TACC2: variants seen among roughly 807,000 people sequenced by gnomAD.
TACC2 encodes transforming acidic coiled-coil-containing protein 2.
Under a neutral mutation model 227.3 loss-of-function variants are expected in TACC2, and 137 were observed. The ratio of observed to expected loss-of-function variants is 0.60; its 90% CI spans 0.52 to 0.69. The LOEUF (loss-of-function observed/expected upper bound fraction) is 0.69. TACC2 is among the 30% of genes least tolerant of loss of function. The pLI is 0.00. For synonymous variants in TACC2, 1,523 were observed against 1,487.5 expected (o/e 1.02, Z -0.55); for missense variants, 3,470 against 3,694.4 (o/e 0.94, Z 1.57).
intron 3 of TACC2, among the ~76,000 whole-genome samples, chr10:122,053,527 C>T (rs954223016): frequency 1.3e-5 from 2 of 152,166 alleles, no homozygotes; most frequent in African/African-American, 2.4e-5. Context: ...CCCTCCCCAA[C>T]CCCAGCACCT....
At chr10:122,021,217 A>G (rs1957297758) in intron 1 of TACC2, among the ~76,000 whole-genome samples, 1 of 148,124 alleles carries the variant, frequency 6.8e-6, no homozygotes, top group Admixed American at 6.7e-5. Flanking sequence ...CGACAGAGTG[A>G]GACTCCATCT....
At chr10:122,060,130 C>T (rs905791580) in intron 3 of TACC2, among the ~76,000 whole-genome samples, 5 of 152,180 alleles carry the variant, frequency 3.3e-5, no homozygotes, top group African/African-American at 1.2e-4. Context: ...AGGAAGAATT[C>T]CCTGCTTTAG....
At chr10:122,017,307 T>C (rs11200333) in intron 1 of TACC2, among the ~76,000 whole-genome samples, 41,753 of 151,926 alleles carry the variant, frequency 0.27, 5,990 homozygotes, top group South Asian at 0.5. Flanking sequence ...AGATGGAAGA[T>C]TGCACATGCG....
At chr10:122,227,435 A>G (rs981808171) in intron 13 of TACC2, among the ~76,000 whole-genome samples, 2 of 152,226 alleles carry the variant, frequency 1.3e-5, no homozygotes, top group Non-Finnish European at 2.9e-5. Context: ...TTGTTAAAAC[A>G]GTAGTGGCAC....
At chr10:122,164,041 G>A (rs1326628609) in intron 7 of TACC2, 3 of 1,550,810 alleles carry the variant, frequency 1.9e-6, no homozygotes. Context: ...AGGAGGAGAG[G>A]ATGCCCGGGC....
chr10:122,242,320 G>A (rs1056341974), intron 19 of TACC2, among the ~76,000 whole-genome samples: 2 of 152,174 alleles, frequency 1.3e-5, no homozygotes, highest in African/African-American at 2.4e-5. Context: ...ATATTTGGGG[G>A]ATTTTTTCTT....
chr10:122,227,084 C>T (rs1361802844), intron 13 of TACC2, among the ~76,000 whole-genome samples: 8 of 152,162 alleles, frequency 5.3e-5, no homozygotes, highest in African/African-American at 1.7e-4. Flanking sequence ...TATCCGTCTT[C>T]CAGAGCGTCC....
In TACC2 at chr10:122,012,418, C is replaced by CAAAAAAAAAAAAAAAAAAAAA. The variant is rs752342348; in HGVS notation, c.-45-9518_-45-9498dup. 2.6e-3 allele frequency among the ~76,000 whole-genome samples: 157 copies of CAAAAAAAAAAAAAAAAAAAAA among 60,698 alleles called. 1 individual carries two copies. Among genetic ancestry groups the CAAAAAAAAAAAAAAAAAAAAA allele is most frequent in the Middle Eastern group, 0.012 (1 of 82 alleles). The allele number at this position is 60,698 out of a possible 152,430, so 39.8% of individuals were successfully genotyped here. ...CTGGTGCCAGAGCAAGACTCCGTCTCAAAAAAAAAAAAAAAAAAAAAGATG... is the reference window on the plus strand; with the variant it reads ...CTGGTGCCAGAGCAAGACTCCGTCTCAAAAAAAAAAAAAAAAAAAAAAAAAAAAAAAAAAAAAAAAAAGATG... On this transcript the variant is annotated intron_variant, in intron 1 of 22. Transcript: ENST00000369005.
intron 7 of TACC2, among the ~76,000 whole-genome samples, chr10:122,153,551 A>G (rs1389110866): frequency 6.6e-6 from 1 of 152,198 alleles, no homozygotes; most frequent in Non-Finnish European, 1.5e-5. Context: ...AGGTGTTGTG[A>G]GAGGCAGTGA....
Position 122,083,990 on chromosome 10 carries a change from G to A in TACC2, c.1490G>A (p.Arg497Lys), listed in dbSNP as rs1236316324. ...GTTCCTGCCCCATCACCCCAGGAGA[G>A]GGGAGAGCACTTGAACACGGAGCAA... is the stretch of plus-strand genomic sequence containing the variant. ...GEVPAPSPQE[R>K]GEHLNTEQSH... Residue 497 changes from arginine (R) to lysine (K), a missense_variant, in exon 4 of 23, where the codon AGG becomes AAG. Physicochemically the swap from Arg to Lys is conservative, Grantham distance 26. Transcript: ENST00000369005. 6.2e-7 allele frequency: 1 copy of A among 1,614,056 alleles called. No homozygotes were observed. The highest frequency in any genetic ancestry group is 1.1e-5 in the South Asian group (1 of 91,076).
At position 122,085,870 on chromosome 10, in the gene TACC2, G is replaced by A. The variant is rs748012977; in HGVS notation, c.3370G>A (p.Gly1124Ser). The A allele has an allele frequency of 6.2e-7, 1 of 1,613,390 alleles. No homozygotes were observed. The highest frequency in any genetic ancestry group is 1.1e-5 in the South Asian group (1 of 91,002). ...LASFPSAGEQ[G>S]GEAGAAETGG... ...AAGTTTCCCATCAGCTGGGGAGCAA[G>A]GTGGTGAAGCCGGGGCTGCTGAGAC... is the stretch of plus-strand genomic sequence containing the variant. The change falls in exon 4 of 23, where the codon GGT (glycine) becomes AGT (serine). Residue 1124 changes from glycine (G) to serine (S), a missense_variant. Gly to Ser is a moderately conservative substitution (Grantham distance 56). Coordinates refer to ENST00000369005, the MANE Select transcript of TACC2 (RefSeq NM_206862.4).
chr10:122,253,929 A>G, intron 22 of TACC2, 62 bp from the exon 23 acceptor site: 1 of 1,451,296 alleles, frequency 6.9e-7, no homozygotes, highest in Non-Finnish European at 9.7e-7. Flanking sequence ...AAAAAGCCCC[A>G]TGAGCATTCT....
intron 7 of TACC2, among the ~76,000 whole-genome samples, chr10:122,174,355 C>G (rs915084720): frequency 2.0e-5 from 3 of 152,218 alleles, no homozygotes; most frequent in African/African-American, 4.8e-5. Context: ...GGCAATGGCA[C>G]TGGCTCAGCG....
At chr10:122,151,493 G>C (rs1184448703) in intron 7 of TACC2, among the ~76,000 whole-genome samples, 1 of 152,112 alleles carries the variant, frequency 6.6e-6, no homozygotes, top group East Asian at 1.9e-4. Flanking sequence ...GGCGGTCTCA[G>C]ACAGAGCAGC....
chr10:122,252,918 C>T (rs1185443827), intron 22 of TACC2, among the ~76,000 whole-genome samples: 3 of 152,186 alleles, frequency 2.0e-5, no homozygotes, highest in African/African-American at 7.2e-5. Flanking sequence ...AGGAGGTGGG[C>T]CAGGGTTCTG....
rs2079689354 is a variant in TACC2, at chr10:122,082,907, A to G, written c.407A>G (p.Gln136Arg). Reference sequence around the variant, plus strand: ...GCACCTGAAGATGGTCCTCAGACTCAGTCTCCCAGGAGGGAACCTGCCCCA... The same window carrying G: ...GCACCTGAAGATGGTCCTCAGACTCGGTCTCCCAGGAGGGAACCTGCCCCA... Reference protein sequence around the residue: ...AAAPEDGPQTQSPRREPAPNA... With the variant: ...AAAPEDGPQTRSPRREPAPNA... The change falls in exon 4 of 23, where the codon CAG (glutamine) becomes CGG (arginine). Residue 136 changes from glutamine (Q) to arginine (R), a missense_variant. This residue lies in a region of TACC2 where 405 missense variants were observed against 389.6 expected (regional missense o/e 1.04). Coordinates refer to ENST00000369005, the MANE Select transcript of TACC2 (RefSeq NM_206862.4). 1 of 1,613,130 alleles carries G rather than the reference A, an allele frequency of 6.2e-7. No individual in the cohort carries two copies. The highest frequency in any genetic ancestry group is 8.5e-7 in the Non-Finnish European group (1 of 1,180,028).
chr10:122,225,553 C>T (rs1197916696), intron 12 of TACC2, among the ~76,000 whole-genome samples: 3 of 152,246 alleles, frequency 2.0e-5, no homozygotes, highest in African/African-American at 7.2e-5. Flanking sequence ...GCTTAAAGAG[C>T]TTAGCTCTGT....
In TACC2 at chr10:122,248,719, C is replaced by T. The variant is rs545114672; in HGVS notation, c.8469C>T (p.Ala2823=). The T allele has an allele frequency of 1.1e-5, 17 of 1,614,086 alleles. No individual in the cohort carries two copies. Among genetic ancestry groups the T allele is most frequent in the Middle Eastern group, 1.7e-4 (1 of 6,012 alleles). ...TTCTGGAGAAGGAGCAAGCCCTGGC[C>T]GACCTGAACTCCGTGGAGAAGTCTC... ...QLVLEKEQAL[A]DLNSVEKSLA... The change falls in exon 20 of 23, where the codon GCC becomes GCT. Residue 2823 remains alanine (A), a synonymous_variant. Coordinates refer to ENST00000369005, the MANE Select transcript of TACC2 (RefSeq NM_206862.4).
rs976351124 is a variant in TACC2, at chr10:122,254,471, A to G, written c.*415A>G. On this transcript the variant is annotated 3_prime_UTR_variant, in exon 23 of 23. Coordinates refer to ENST00000369005, the MANE Select transcript of TACC2 (RefSeq NM_206862.4). ...ATCTGCATTTGCTGATTTGTTTTTA[A>G]AAAAACAAGAAATGCATGTTTCAAA... is the stretch of plus-strand genomic sequence containing the variant. The G allele has an allele frequency of 1.3e-5, 2 of 155,902 alleles. No individual in the cohort carries two copies. The allele number at this position is 155,902 out of a possible 1,614,324, so 9.7% of individuals were successfully genotyped here.
Sources: allele counts gnomAD v4.1 joint callset (sites outside exome capture counted in the v4.1 genomes callset), GRCh38; gene constraint gnomAD v4.1.1; regional missense constraint gnomAD v4.1.1; transcripts MANE v1.5; gene names NCBI Gene and HGNC (gene_info 2026-07-23, HGNC 2026-07-21).